The following HIGD1C variants were observed in gnomAD, a reference collection of about 807,000 sequenced individuals.
HIGD1C encodes HIG1 hypoxia inducible domain family member 1C, also known as HIG1 domain family member 1C.
A neutral mutation model predicts 13.1 loss-of-function variants in HIGD1C; 11 were observed. The ratio of observed to expected loss-of-function variants is 0.84; its 90% CI spans 0.53 to 1.39. The LOEUF is 1.39. HIGD1C is among the 40% of genes most tolerant of loss of function. The pLI is 0.00. For synonymous variants in HIGD1C, 36 were observed against 37.7 expected (o/e 0.95, Z 0.17); for missense variants, 110 against 112.0 (o/e 0.98, Z 0.08).
intron 1 of HIGD1C, among the ~76,000 whole-genome samples, chr12:50,956,378 C>A (rs765397565): frequency 6.6e-6 from 1 of 151,912 alleles, no homozygotes; most frequent in Admixed American, 6.6e-5. Context: ...GGCAACAGAG[C>A]GAGACTCCAT....
upstream of HIGD1C, among the ~76,000 whole-genome samples, chr12:50,950,758 C>A (rs1225844254): frequency 1.4e-5 from 2 of 144,812 alleles, no homozygotes; most frequent in African/African-American, 5.1e-5. Context: ...CTCAGTGCAA[C>A]CTCCGCCTCC....
chr12:50,948,877 AGGG>A, the HIGD1C span, among the ~76,000 whole-genome samples: 4 of 4,888 alleles, frequency 8.2e-4, no homozygotes, highest in South Asian at 0.019. Flanking sequence ...GGGGGAGGGG[AGGG>A]GGAGGGGAGG....
At chr12:50,965,934 C>G (rs915728345) in intron 2 of HIGD1C, among the ~76,000 whole-genome samples, 1 of 152,112 alleles carries the variant, frequency 6.6e-6, no homozygotes, top group Non-Finnish European at 1.5e-5. Context: ...GTCAAGGAGC[C>G]CTGGCTCTTT....
exon 2 of HIGD1C, chr12:50,961,010 A>T (rs1396293520): frequency 2.5e-6 from 4 of 1,609,700 alleles, no homozygotes; most frequent in South Asian, 2.2e-5. Context: ...GGTCTTTACA[A>T]GCTAAAGTAC....
At chr12:50,948,256 A>G in the HIGD1C span, among the ~76,000 whole-genome samples, 1 of 152,186 alleles carries the variant, frequency 6.6e-6, no homozygotes, top group African/African-American at 2.4e-5. Flanking sequence ...AACCTAACAA[A>G]TAAGTTATTG....
At chr12:50,944,160 T>C in the HIGD1C span, among the ~76,000 whole-genome samples, 1 of 152,184 alleles carries the variant, frequency 6.6e-6, no homozygotes, top group African/African-American at 2.4e-5. Context: ...ACAGATCCCT[T>C]CTCCTGACCT....
At chr12:50,947,253 C>A in the HIGD1C span, among the ~76,000 whole-genome samples, 2 of 152,180 alleles carry the variant, frequency 1.3e-5, no homozygotes, top group Non-Finnish European at 2.9e-5. Context: ...ATTACCATAA[C>A]CTAAGTGGCT....
chr12:50,952,218 T>C (rs143247768), upstream of HIGD1C, among the ~76,000 whole-genome samples: 50 of 152,018 alleles, frequency 3.3e-4, no homozygotes, highest in Admixed American at 6.6e-4. Flanking sequence ...CCCAAATGCA[T>C]ACAAAAGTAT....
chr12:50,948,940 A>T (rs1390422798), upstream of HIGD1C, among the ~76,000 whole-genome samples: 2 of 37,052 alleles, frequency 5.4e-5, no homozygotes, highest in Admixed American at 3.8e-4. Context: ...GGGGAGGAGG[A>T]GGAGGAGGAG....
chr12:50,968,430 C>T (rs910879978), intron 2 of HIGD1C, among the ~76,000 whole-genome samples: 2 of 151,930 alleles, frequency 1.3e-5, no homozygotes, highest in African/African-American at 2.4e-5. Flanking sequence ...CTCTGTCATC[C>T]GGCTGGCGTG....
chr12:50,953,492 C>T (rs1268793563), upstream of HIGD1C, among the ~76,000 whole-genome samples: 3 of 152,202 alleles, frequency 2.0e-5, no homozygotes, highest in African/African-American at 7.2e-5. Flanking sequence ...ACAGTAGGTG[C>T]TTGGTAAATA....
At chr12:50,943,618 G>A in the HIGD1C span, among the ~76,000 whole-genome samples, 2 of 151,782 alleles carry the variant, frequency 1.3e-5, no homozygotes, top group Admixed American at 6.6e-5. Flanking sequence ...GCTGAGGCAG[G>A]AGAATGGTGT....
chr12:50,942,867 C>CT, the HIGD1C span, among the ~76,000 whole-genome samples: 20,852 of 140,260 alleles, frequency 0.15, 2,696 homozygotes, highest in East Asian at 0.35. Flanking sequence ...TTTCTCTTCT[C>CT]TTTTTTTTTT....
chr12:50,957,722 T>TA (rs2139794667), intron 1 of HIGD1C, among the ~76,000 whole-genome samples: 1 of 151,344 alleles, frequency 6.6e-6, no homozygotes, highest in African/African-American at 2.4e-5. Flanking sequence ...CCATGTCTAC[T>TA]AAAAATACAA....
chr12:50,950,888 C>T (rs1239767559), upstream of HIGD1C, among the ~76,000 whole-genome samples: 1 of 151,784 alleles, frequency 6.6e-6, no homozygotes, highest in Non-Finnish European at 1.5e-5. Context: ...CCATGTTAGC[C>T]CGGCTGGTCT....
chr12:50,943,865 T>G, the HIGD1C span, among the ~76,000 whole-genome samples: 2 of 152,250 alleles, frequency 1.3e-5, no homozygotes, highest in Non-Finnish European at 2.9e-5. Flanking sequence ...ACACTTGTTT[T>G]ATATCCTTAT....
intron 2 of HIGD1C, among the ~76,000 whole-genome samples, chr12:50,964,796 G>C (rs961646525): frequency 5.9e-5 from 9 of 152,222 alleles, no homozygotes; most frequent in African/African-American, 2.2e-4. Flanking sequence ...ACCTGATTAA[G>C]TTTATAGGAA....
downstream of HIGD1C, among the ~76,000 whole-genome samples, chr12:50,972,565 C>T (rs1252281213): frequency 7.9e-5 from 12 of 152,208 alleles, no homozygotes; most frequent in African/African-American, 2.2e-4. Context: ...CCAGCATGAG[C>T]GACACAGAAG....
exon 1 of HIGD1C, chr12:50,953,962 C>A: frequency 2.5e-6 from 3 of 1,203,164 alleles, no homozygotes; most frequent in East Asian, 2.3e-5. Flanking sequence ...TGATTCACGG[C>A]AACCACATTT....
Sources: allele counts gnomAD v4.1 joint callset (sites outside exome capture counted in the v4.1 genomes callset), GRCh38; gene constraint gnomAD v4.1.1; transcripts MANE v1.5; gene names NCBI Gene and HGNC (gene_info 2026-07-23, HGNC 2026-07-21).